Variants in MTMR6 observed in about 807,000 individuals in gnomAD.
MTMR6 encodes phosphatidylinositol-3,5-bisphosphate 3-phosphatase MTMR6.
Under a neutral mutation model 80.1 loss-of-function variants are expected in MTMR6, and 47 were observed. That is an observed-to-expected ratio of 0.59 (90% CI 0.46 to 0.75). The LOEUF (loss-of-function observed/expected upper bound fraction) is 0.75, where lower values mean the gene tolerates loss of function less well. Among genes scored for constraint, MTMR6 ranks in the 30% least tolerant of loss-of-function variants. The probability of loss-of-function intolerance (pLI) is 0.00; values close to 1 mark genes in which losing one functional copy is unlikely to be tolerated. For missense variants in MTMR6, 629 were observed against 730.9 expected (o/e 0.86, Z 1.61); for synonymous variants, 254 against 253.0 (o/e 1.00, Z -0.04).
In MTMR6 at chr13:25,267,876, C is replaced by T. The variant is rs1044714218; in HGVS notation, c.207G>A (p.Val69=). The T allele has an allele frequency of 6.2e-7, 1 of 1,613,480 alleles. No homozygotes were observed. Among genetic ancestry groups the T allele is most frequent in the Non-Finnish European group, 8.5e-7 (1 of 1,179,656 alleles). Reference sequence around the variant, plus strand: ...CAGTTCTGAAGTTCTTGCACTGTATCACAAGGGGGCATCCAGAAGTAGTCA... The same window carrying T: ...CAGTTCTGAAGTTCTTGCACTGTATTACAAGGGGGCATCCAGAAGTAGTCA... ...LALTTSGCPL[V]IQCKNFRTVH... Residue 69 remains valine (V), a synonymous_variant, in exon 3 of 14, where the codon GTG becomes GTA. Coordinates refer to ENST00000381801, the MANE Select transcript of MTMR6 (RefSeq NM_004685.5).
chr13:25,261,303 T>TAAAAAAAAA (rs56833434), intron 6 of MTMR6, among the ~76,000 whole-genome samples: 6 of 40,838 alleles, frequency 1.5e-4, no homozygotes, highest in African/African-American at 1.7e-4. Flanking sequence ...AACTCTGTCT[T>TAAAAAAAAA]AAAAAAAAAA....
intron 6 of MTMR6, among the ~76,000 whole-genome samples, chr13:25,259,102 C>A (rs1237602759): frequency 1.3e-5 from 2 of 152,146 alleles, no homozygotes; most frequent in Non-Finnish European, 2.9e-5. Flanking sequence ...TCAGAACAAG[C>A]CTAGGGCATT....
intron 1 of MTMR6, among the ~76,000 whole-genome samples, chr13:25,275,294 C>A (rs543868983): frequency 6.6e-6 from 1 of 151,902 alleles, no homozygotes; most frequent in Non-Finnish European, 1.5e-5. Context: ...TGGTGGCACA[C>A]GTCTGTAATC....
intron 7 of MTMR6, 72 bp from the exon 8 acceptor site, chr13:25,257,917 C>A: frequency 9.7e-7 from 1 of 1,026,710 alleles, no homozygotes; most frequent in Non-Finnish European, 1.4e-6. Context: ...CAAGATCTCT[C>A]TAGATAAGTG....
chr13:25,286,936 C>T (rs1957964689), intron 1 of MTMR6, among the ~76,000 whole-genome samples: 1 of 152,190 alleles, frequency 6.6e-6, no homozygotes, highest in Admixed American at 6.5e-5. Context: ...CCCGAGAAAA[C>T]GTAGAGCTAG....
intron 13 of MTMR6, among the ~76,000 whole-genome samples, chr13:25,250,511 GT>G (rs1192577136): frequency 1.3e-5 from 2 of 152,104 alleles, no homozygotes; most frequent in African/African-American, 4.8e-5. Flanking sequence ...ATGAGCAAAG[GT>G]TTGAACAGTC....
At chr13:25,265,719 G>T (rs1285187989) in intron 5 of MTMR6, 100 bp downstream of exon 5, 3 of 1,327,520 alleles carry the variant, frequency 2.3e-6, no homozygotes, top group Non-Finnish European at 3.1e-6. Context: ...GCAACAGAGC[G>T]AGACCCTATC....
intron 1 of MTMR6, among the ~76,000 whole-genome samples, chr13:25,283,103 C>T (rs1957892931): frequency 6.6e-6 from 1 of 151,876 alleles, no homozygotes; most frequent in Non-Finnish European, 1.5e-5. Context: ...AATCTGACCA[C>T]CTAAGCTTCT....
chr13:25,279,338 G>A (rs1386887258), intron 1 of MTMR6, among the ~76,000 whole-genome samples: 2 of 152,176 alleles, frequency 1.3e-5, no homozygotes, highest in East Asian at 3.9e-4. Context: ...CTGCCACCAT[G>A]AGAAGACGTG....
chr13:25,264,767 A>G (rs991389286), intron 5 of MTMR6, among the ~76,000 whole-genome samples: 1 of 150,508 alleles, frequency 6.6e-6, no homozygotes, highest in Non-Finnish European at 1.5e-5. Flanking sequence ...AAAAAAAAAA[A>G]AAAAAAAAGA....
chr13:25,257,871 A>G, intron 7 of MTMR6, 26 bp from the exon 8 acceptor site: 5 of 1,501,626 alleles, frequency 3.3e-6, no homozygotes, highest in South Asian at 2.3e-5. Flanking sequence ...AAATATTTCA[A>G]TTAGAATATG....
rs751186788 is a variant in MTMR6, at chr13:25,258,607, A to G, written c.812T>C (p.Ile271Thr). The G allele has an allele frequency of 1.1e-5, 18 of 1,598,422 alleles. No individual in the cohort carries two copies. The highest frequency in any genetic ancestry group is 4.1e-5 in the African/African-American group (3 of 74,032). The change falls in exon 7 of 14, where the codon ATT becomes ACT. Residue 271 changes from isoleucine (I) to threonine (T), a missense_variant. Physicochemically the swap from Ile to Thr is moderately conservative, Grantham distance 89. Coordinates refer to ENST00000381801, the MANE Select transcript of MTMR6 (RefSeq NM_004685.5). ...YSNIRFQFVG[I>T]ENIHVMRSSL... ...GGACCTCATGACATGAATATTTTCAATTCCAACAAACTGAAATCTAATATT... is the reference window on the plus strand; with the variant it reads ...GGACCTCATGACATGAATATTTTCAGTTCCAACAAACTGAAATCTAATATT...
chr13:25,273,782 C>T (rs1362034368), intron 2 of MTMR6, among the ~76,000 whole-genome samples: 6 of 152,166 alleles, frequency 3.9e-5, no homozygotes, highest in African/African-American at 7.2e-5. Context: ...ACCTCGGCCT[C>T]CCAAAGTGCT....
Position 25,257,324 on chromosome 13 carries a change from G to A in MTMR6, c.970-3C>T. 6.2e-7 allele frequency: 1 copy of A among 1,612,740 alleles called. No homozygotes were observed. The highest frequency in any genetic ancestry group is 8.5e-7 in the Non-Finnish European group (1 of 1,179,438). ...CTTGCATTTTCAACTGTTATTGCCTGAAAAGAAAGATCACATACATTCTAG... is the reference window on the plus strand; with the variant it reads ...CTTGCATTTTCAACTGTTATTGCCTAAAAAGAAAGATCACATACATTCTAG... On this transcript the variant is annotated splice_polypyrimidine_tract_variant and splice_region_variant and intron_variant, in intron 8 of 13. Coordinates refer to ENST00000381801, the MANE Select transcript of MTMR6 (RefSeq NM_004685.5).
chr13:25,276,552 T>G (rs1957732900), intron 1 of MTMR6, among the ~76,000 whole-genome samples: 1 of 152,212 alleles, frequency 6.6e-6, no homozygotes, highest in South Asian at 2.1e-4. Flanking sequence ...GTAACTTCTC[T>G]ATGAGGCACA....
At position 25,274,164 on chromosome 13, in the gene MTMR6, G is replaced by A. The variant is rs1429927024; in HGVS notation, c.48C>T (p.Asp16=). The change falls in exon 2 of 14, where the codon GAC becomes GAT. Residue 16 remains aspartate, a synonymous_variant. Coordinates refer to ENST00000381801, the MANE Select transcript of MTMR6 (RefSeq NM_004685.5). The part of the protein sequence containing the change: ...TTKVEQVKLL[D]RFSTSNKSLT... ...ATGACTTGTTGCTGGTACTGAATCG[G>A]TCAAGTAATTTTACTTGTTCGACCT... 2 of 1,608,454 alleles carry A rather than the reference G, an allele frequency of 1.2e-6. No individual in the cohort carries two copies. The highest frequency in any genetic ancestry group is 1.7e-6 in the Non-Finnish European group (2 of 1,176,746).
intron 2 of MTMR6, among the ~76,000 whole-genome samples, chr13:25,272,507 T>C (rs9581311): frequency 0.68 from 103,582 of 151,858 alleles, 38,689 homozygotes; most frequent in Non-Finnish European, 0.84. Context: ...ACTGAATGAT[T>C]CTGAGGTTTG....
intron 1 of MTMR6, among the ~76,000 whole-genome samples, chr13:25,282,632 A>T (rs1957879616): frequency 6.9e-6 from 1 of 143,900 alleles, no homozygotes; most frequent in Non-Finnish European, 1.5e-5. Flanking sequence ...TTTGAGACAG[A>T]GTGCTGCTCT....
Position 25,247,983 on chromosome 13 carries a change from T to G in MTMR6, c.*1249A>C, listed in dbSNP as rs1025760212. ...TTTTTATGTTTTGTTTCTTGTTTTT[T>G]GGTAATTTAAAGATATGTACTAGTA... is the stretch of plus-strand genomic sequence containing the variant. On this transcript the variant is annotated 3_prime_UTR_variant, in exon 14 of 14. Transcript: ENST00000381801. 3 of 152,144 alleles carry G rather than the reference T, an allele frequency of 2.0e-5. No individual in the cohort carries two copies. The highest frequency in any genetic ancestry group is 4.4e-5 in the Non-Finnish European group (3 of 67,978). The allele number at this position is 152,144 out of a possible 1,614,324, so 9.4% of individuals were successfully genotyped here.
Sources: allele counts gnomAD v4.1 joint callset (sites outside exome capture counted in the v4.1 genomes callset), GRCh38; gene constraint gnomAD v4.1.1; transcripts MANE v1.5; gene names NCBI Gene and HGNC (gene_info 2026-07-23, HGNC 2026-07-21).